The following SLC6A11 variants were observed in gnomAD, a reference collection of about 807,000 sequenced individuals.
SLC6A11 encodes sodium- and chloride-dependent GABA transporter 3.
Under a neutral mutation model 74.8 loss-of-function variants are expected in SLC6A11, and 25 were observed. The observed-to-expected ratio is 0.33, with a 90% CI of 0.24 to 0.47. The LOEUF (loss-of-function observed/expected upper bound fraction) is 0.47, where lower values mean the gene tolerates loss of function less well. Among genes scored for constraint, SLC6A11 ranks in the 20% least tolerant of loss-of-function variants. SLC6A11 has a pLI of 1.00. For synonymous variants in SLC6A11, 330 were observed against 330.2 expected (o/e 1.00, Z 0.01); for missense variants, 574 against 837.0 (o/e 0.69, Z 3.88).
chr3:10,828,907 TG>T (rs1436026892), intron 4 of SLC6A11, among the ~76,000 whole-genome samples: 1 of 152,256 alleles, frequency 6.6e-6, no homozygotes, highest in Non-Finnish European at 1.5e-5. Context: ...ATGTCTGTTT[TG>T]TTCATTATTG....
At chr3:10,841,477 G>A (rs1217865376) in intron 4 of SLC6A11, among the ~76,000 whole-genome samples, 1 of 152,174 alleles carries the variant, frequency 6.6e-6, no homozygotes, top group Non-Finnish European at 1.5e-5. Flanking sequence ...TCTGTTCCTA[G>A]TTAAAGTCAG....
chr3:10,859,745 C>G (rs1158920132), intron 5 of SLC6A11, among the ~76,000 whole-genome samples: 3 of 152,092 alleles, frequency 2.0e-5, no homozygotes, highest in African/African-American at 7.2e-5. Context: ...CTCTAATATG[C>G]CATATTTTGT....
At chr3:10,857,626 T>C (rs750038969) in intron 5 of SLC6A11, among the ~76,000 whole-genome samples, 3 of 152,204 alleles carry the variant, frequency 2.0e-5, no homozygotes, top group Non-Finnish European at 4.4e-5. Context: ...TAATTGTGAT[T>C]GGCTCAGTAT....
intron 8 of SLC6A11, among the ~76,000 whole-genome samples, chr3:10,919,855 G>A (rs191826624): frequency 5.9e-5 from 9 of 152,286 alleles, no homozygotes; most frequent in South Asian, 2.1e-4. Flanking sequence ...GCTCAGGGAC[G>A]TGAGGTCACT....
At chr3:10,913,793 A>G (rs1377481936) in intron 7 of SLC6A11, among the ~76,000 whole-genome samples, 1 of 152,174 alleles carries the variant, frequency 6.6e-6, no homozygotes, top group Non-Finnish European at 1.5e-5. Flanking sequence ...TCCCAGGTTC[A>G]CGCCATTCTC....
intron 5 of SLC6A11, among the ~76,000 whole-genome samples, chr3:10,861,183 GTGAT>G (rs1463997502): frequency 6.6e-6 from 1 of 152,202 alleles, no homozygotes; most frequent in African/African-American, 2.4e-5. Context: ...CTAAGTGAAG[GTGAT>G]TGATTGATTG....
chr3:10,871,701 T>C (rs1694830157), intron 5 of SLC6A11, among the ~76,000 whole-genome samples: 1 of 152,228 alleles, frequency 6.6e-6, no homozygotes, highest in Admixed American at 6.5e-5. Context: ...TACTGGCCTC[T>C]TATTTTTATT....
intron 6 of SLC6A11, among the ~76,000 whole-genome samples, chr3:10,906,709 T>A (rs998600772): frequency 1.3e-5 from 2 of 152,060 alleles, no homozygotes; most frequent in Non-Finnish European, 2.9e-5. Flanking sequence ...AAGGAGAAAT[T>A]ACGGGAAGCA....
chr3:10,929,606 A>T (rs897521712), intron 10 of SLC6A11, among the ~76,000 whole-genome samples: 1 of 152,158 alleles, frequency 6.6e-6, no homozygotes, highest in Admixed American at 6.5e-5. Context: ...CGCTGGGTTG[A>T]TCTGTCATGG....
chr3:10,844,282 G>A lies in SLC6A11; in HGVS notation c.692G>A (p.Cys231Tyr), dbSNP rs758475114. 6.2e-7 allele frequency: 1 copy of A among 1,614,176 alleles called. No homozygotes were observed. Among genetic ancestry groups the A allele is most frequent in the Non-Finnish European group, 8.5e-7 (1 of 1,180,030 alleles). The change falls in exon 5 of 14, where the codon TGT becomes TAT. Residue 231 changes from cysteine (C) to tyrosine (Y), a missense_variant. Cys to Tyr is a radical substitution (Grantham distance 194). Around this residue, in one of 4 missense-constraint regions of SLC6A11, gnomAD observed 215 missense variants for 357.9 expected, o/e 0.60. Coordinates refer to ENST00000254488, the MANE Select transcript of SLC6A11 (RefSeq NM_014229.3). ...IGNLRWELAL[C>Y]LLAAWTICYF... is the part of the protein sequence containing the mutation. ...AACCTTCGCTGGGAGCTGGCCTTGT[G>A]TCTCTTGGCAGCCTGGACCATCTGT...
chr3:10,900,404 C>G (rs1014870279), intron 6 of SLC6A11, among the ~76,000 whole-genome samples: 7 of 152,192 alleles, frequency 4.6e-5, no homozygotes, highest in African/African-American at 1.7e-4. Flanking sequence ...AGTGAGAAAG[C>G]AGAGCACCCT....
At chr3:10,934,011 C>T in intron 11 of SLC6A11, 55 bp from the exon 12 acceptor site, 2 of 1,186,748 alleles carry the variant, frequency 1.7e-6, no homozygotes, top group South Asian at 1.2e-5. Context: ...TCCTCTGACT[C>T]ATGTACAAAA....
At chr3:10,825,371 T>G (rs1390781853) in intron 4 of SLC6A11, 1 of 152,202 alleles carries the variant, frequency 6.6e-6, no homozygotes, top group African/African-American at 2.4e-5. Flanking sequence ...TTTCATGTTT[T>G]GTTTTGTCTG....
chr3:10,911,877 C>G (rs1193440614), intron 6 of SLC6A11, among the ~76,000 whole-genome samples: 1 of 152,124 alleles, frequency 6.6e-6, no homozygotes, highest in African/African-American at 2.4e-5. Flanking sequence ...CTGGCAAATT[C>G]TGGAATTAAT....
chr3:10,875,936 T>C (rs1193563888), intron 6 of SLC6A11, among the ~76,000 whole-genome samples: 1 of 152,250 alleles, frequency 6.6e-6, no homozygotes, highest in African/African-American at 2.4e-5. Flanking sequence ...TGTCAGTATC[T>C]TTTAAAGGAC....
intron 5 of SLC6A11, among the ~76,000 whole-genome samples, chr3:10,873,135 C>T (rs1236914072): frequency 3.3e-5 from 5 of 152,312 alleles, no homozygotes; most frequent in African/African-American, 1.2e-4. Context: ...CCTACAGTCC[C>T]TGCGGGCCTT....
At chr3:10,921,645 T>A (rs369259709) in intron 8 of SLC6A11, among the ~76,000 whole-genome samples, 29 of 152,256 alleles carry the variant, frequency 1.9e-4, no homozygotes, top group African/African-American at 6.7e-4. Flanking sequence ...CATATTCTTA[T>A]ATTAAATTTA....
At chr3:10,899,040 A>C (rs1264927067) in intron 6 of SLC6A11, among the ~76,000 whole-genome samples, 1 of 152,186 alleles carries the variant, frequency 6.6e-6, no homozygotes, top group Non-Finnish European at 1.5e-5. Context: ...ATCAGATCTC[A>C]TGAGATTTAT....
chr3:10,881,964 C>T (rs1282405341), intron 6 of SLC6A11, among the ~76,000 whole-genome samples: 1 of 152,214 alleles, frequency 6.6e-6, no homozygotes, highest in African/African-American at 2.4e-5. Context: ...TGGTACAAAG[C>T]TCTGGACTCC....
Sources: gnomAD v4.1 joint callset for allele counts (sites outside exome capture counted in the v4.1 genomes callset) on GRCh38, gnomAD v4.1.1 for gene constraint, gnomAD v4.1.1 regional missense constraint, MANE v1.5 for transcripts, NCBI Gene and HGNC (gene_info 2026-07-23, HGNC 2026-07-21) for gene names.